The following NMNAT1 variants were observed in gnomAD, a reference collection of about 807,000 sequenced individuals.
NMNAT1 encodes the protein nicotinamide nucleotide adenylyltransferase 1.
NMNAT1 carries 11 observed loss-of-function variants against 16.7 expected under a neutral mutation model. The ratio of observed to expected loss-of-function variants is 0.66; its 90% confidence interval spans 0.41 to 1.09. NMNAT1 has a LOEUF of 1.09. NMNAT1 is among the 50% of genes least tolerant of loss of function. The pLI is 0.00. For missense variants in NMNAT1, 280 were observed against 332.3 expected (o/e 0.84, Z 1.22); for synonymous variants, 110 against 119.8 (o/e 0.92, Z 0.53).
intron 1 of NMNAT1, among the ~76,000 whole-genome samples, chr1:9,962,026 C>G (rs1641421579): frequency 6.6e-6 from 1 of 151,882 alleles, no homozygotes; most frequent in Non-Finnish European, 1.5e-5. Context: ...CCTCGCCCTC[C>G]CAAAATGCTG....
intron 1 of NMNAT1, among the ~76,000 whole-genome samples, chr1:9,954,601 C>T (rs914981034): frequency 2.6e-5 from 4 of 151,964 alleles, no homozygotes; most frequent in Admixed American, 6.6e-5. Context: ...ATGAAAAACC[C>T]GATACTTTAA....
chr1:9,975,445 G>A (rs939850397), intron 2 of NMNAT1, 147 bp from the exon 3 acceptor site: 1 of 563,444 alleles, frequency 1.8e-6, no homozygotes, highest in Non-Finnish European at 3.0e-6. Context: ...AGGTTGCAGT[G>A]AGCCGAGATC....
chr1:9,986,486 C>A (rs943033170), downstream of NMNAT1, among the ~76,000 whole-genome samples: 1 of 152,208 alleles, frequency 6.6e-6, no homozygotes, highest in Non-Finnish European at 1.5e-5. Flanking sequence ...AATCCCAGCA[C>A]TTTGGAAGGC....
In NMNAT1 at chr1:9,975,374, G is replaced by T. The variant is rs147266679; in HGVS notation, c.116-218G>T. Among the ~76,000 whole-genome samples, 488 of 152,100 alleles carry T rather than the reference G, an allele frequency of 3.2e-3. 1 individual carries two copies. Among genetic ancestry groups the T allele is most frequent in the African/African-American group, 0.011 (471 of 41,498 alleles). ...AAAATTAACCAGCATGGTGGCATGC[G>T]CCCGTAATCCCAGCTACTCAGGAGT... On this transcript the variant is annotated intron_variant, in intron 2 of 4. Coordinates refer to ENST00000377205, the MANE Select transcript of NMNAT1 (RefSeq NM_022787.4).
the NMNAT1 span, among the ~76,000 whole-genome samples, chr1:9,991,139 G>A: frequency 4.2e-3 from 635 of 150,966 alleles, 7 homozygotes; most frequent in African/African-American, 0.015. Flanking sequence ...TTTAAGAATA[G>A]GAAGTAAGTA....
chr1:9,973,874 G>A (rs1020114904), intron 2 of NMNAT1, among the ~76,000 whole-genome samples: 1 of 151,542 alleles, frequency 6.6e-6, no homozygotes, highest in East Asian at 2.0e-4. Context: ...GTCTCGCTCT[G>A]TCGCCCAGGC....
chr1:9,992,573 C>T, the NMNAT1 span, among the ~76,000 whole-genome samples: 4 of 152,098 alleles, frequency 2.6e-5, no homozygotes, highest in South Asian at 4.2e-4. Context: ...AGGCCAGGGG[C>T]GTTTAGGGAC....
rs1406929717 is a variant in NMNAT1, at chr1:9,968,068, G to GTTTTTTTTTTTGT, written c.-56-3941_-56-3929dup. Among the ~76,000 whole-genome samples, 6 of 64,026 alleles carry GTTTTTTTTTTTGT rather than the reference G, an allele frequency of 9.4e-5. 1 individual carries two copies. The highest frequency in any genetic ancestry group is 2.4e-4 in the Admixed American group (1 of 4,188). The allele number at this position is 64,026 out of a possible 152,430, so 42.0% of individuals were successfully genotyped here. On this transcript the variant is annotated intron_variant, in intron 1 of 4. Transcript: ENST00000377205. ...GCATGTTTGCTATTTGCCAAATGTAGTTTTTTTTTTTGTTTTTTTTTGAGA... is the reference window on the plus strand; with the variant it reads ...GCATGTTTGCTATTTGCCAAATGTAGTTTTTTTTTTTGTTTTTTTTTTTTGTTTTTTTTTGAGA...
chr1:9,979,801 CAA>C (rs1165379193), intron 3 of NMNAT1, among the ~76,000 whole-genome samples: 17 of 90,574 alleles, frequency 1.9e-4, no homozygotes, highest in East Asian at 3.5e-4. Context: ...GACTCCATCT[CAA>C]AAAAAAAAAA....
intron 1 of NMNAT1, among the ~76,000 whole-genome samples, chr1:9,953,267 C>T (rs1398714391): frequency 1.4e-5 from 2 of 147,398 alleles, no homozygotes; most frequent in Non-Finnish European, 3.0e-5. Context: ...GTGTGAGCCA[C>T]TGTGCGCGGG....
Position 9,975,792 on chromosome 1 carries a change from C to T in NMNAT1, c.299+17C>T. The T allele has an allele frequency of 1.3e-6, 2 of 1,592,734 alleles. No homozygotes were observed. The highest frequency in any genetic ancestry group is 2.2e-5 in the East Asian group (1 of 44,726). Reference sequence around the variant, plus strand: ...GGTGCTAAGGTATTTATGGTGTAATCAACTTTGTCAGTTCTGTGTAAATGG... The same window carrying T: ...GGTGCTAAGGTATTTATGGTGTAATTAACTTTGTCAGTTCTGTGTAAATGG... On this transcript the variant is annotated intron_variant, in intron 3 of 4. Coordinates refer to ENST00000377205, the MANE Select transcript of NMNAT1 (RefSeq NM_022787.4).
intron 1 of NMNAT1, among the ~76,000 whole-genome samples, chr1:9,948,836 C>T (rs1051326656): frequency 2.0e-5 from 3 of 150,996 alleles, no homozygotes; most frequent in Non-Finnish European, 4.4e-5. Context: ...TTAGTAGAGA[C>T]GGGGTTTCAC....
At chr1:9,971,299 CATA>C (rs1641681693) in intron 1 of NMNAT1, among the ~76,000 whole-genome samples, 1 of 152,006 alleles carries the variant, frequency 6.6e-6, no homozygotes, top group Admixed American at 6.6e-5. Context: ...TTAGAGTTAG[CATA>C]ATGATTGAAG....
At chr1:9,947,055 C>T (rs77984678) in intron 1 of NMNAT1, among the ~76,000 whole-genome samples, 1 of 152,298 alleles carries the variant, frequency 6.6e-6, no homozygotes, top group African/African-American at 2.4e-5. Context: ...CTGTACCTCT[C>T]CCCTGAACTT....
At chr1:9,974,911 A>T (rs1641772211) in intron 2 of NMNAT1, among the ~76,000 whole-genome samples, 1 of 152,168 alleles carries the variant, frequency 6.6e-6, no homozygotes, top group African/African-American at 2.4e-5. Flanking sequence ...TGCCTATGAC[A>T]TTGAGAAATG....
chr1:9,962,149 C>G lies in NMNAT1; in HGVS notation c.-56-9869C>G, dbSNP rs1274978666. 2.0e-5 allele frequency among the ~76,000 whole-genome samples: 3 copies of G among 152,014 alleles called. No individual in the cohort carries two copies. The East Asian group carries it at 5.8e-4, about 29-fold the overall frequency. On this transcript the variant is annotated intron_variant, in intron 1 of 4. Coordinates refer to ENST00000377205, the MANE Select transcript of NMNAT1 (RefSeq NM_022787.4). ...CTTGTTTCATCCCGTCCAATGAATT[C>G]CAAATCATCACTGTCATCAGTAACA... is the stretch of plus-strand genomic sequence containing the variant.
chr1:9,961,324 A>ATC (rs532579155), intron 1 of NMNAT1, among the ~76,000 whole-genome samples: 97 of 151,856 alleles, frequency 6.4e-4, no homozygotes, highest in African/African-American at 2.2e-3. Context: ...CCCTTCTTCC[A>ATC]TCTCTCTCTT....
chr1:9,977,969 T>C (rs1641852506), intron 3 of NMNAT1, among the ~76,000 whole-genome samples: 1 of 152,208 alleles, frequency 6.6e-6, no homozygotes, highest in African/African-American at 2.4e-5. Flanking sequence ...GCTATTGAAC[T>C]GTCTCAGTCT....
chr1:9,966,488 C>T (rs1641547026), intron 1 of NMNAT1, among the ~76,000 whole-genome samples: 1 of 151,912 alleles, frequency 6.6e-6, no homozygotes, highest in South Asian at 2.1e-4. Context: ...TGGCAGGCAC[C>T]TGTATTCTTA....
Sources: allele counts gnomAD v4.1 joint callset (sites outside exome capture counted in the v4.1 genomes callset), GRCh38; gene constraint gnomAD v4.1.1; transcripts MANE v1.5; gene names NCBI Gene and HGNC (gene_info 2026-07-23, HGNC 2026-07-21).